PDE10A: variants seen among roughly 807,000 people sequenced by gnomAD.
PDE10A encodes the protein phosphodiesterase 10A, also known as cAMP and cAMP-inhibited cGMP 3',5'-cyclic phosphodiesterase 10A.
Under a neutral mutation model 97.7 loss-of-function variants are expected in PDE10A, and 39 were observed. The ratio of observed to expected loss-of-function variants is 0.40; its 90% CI spans 0.31 to 0.52. PDE10A has a LOEUF of 0.52. Ranked by LOEUF, PDE10A falls within the 20% of genes least tolerant of loss-of-function variation. PDE10A has a pLI of 0.56. For synonymous variants in PDE10A, 371 were observed against 376.8 expected (o/e 0.98, Z 0.18); for missense variants, 731 against 1,047.8 (o/e 0.70, Z 4.17).
intron 1 of PDE10A, among the ~76,000 whole-genome samples, chr6:165,802,258 C>T (rs566163848): frequency 1.3e-5 from 2 of 152,312 alleles, no homozygotes; most frequent in East Asian, 3.9e-4. Flanking sequence ...TCCCACATGA[C>T]TTCTGCTCTA....
chr6:165,751,106 C>A (rs1391779441), intron 1 of PDE10A, among the ~76,000 whole-genome samples: 1 of 152,140 alleles, frequency 6.6e-6, no homozygotes, highest in Non-Finnish European at 1.5e-5. Context: ...TCAGTGGGTG[C>A]CGTCTTCACC....
intron 1 of PDE10A, among the ~76,000 whole-genome samples, chr6:165,840,335 T>C (rs67213228): frequency 0.065 from 9,860 of 152,258 alleles, 466 homozygotes; most frequent in African/African-American, 0.13. Context: ...AACTACCTCT[T>C]AGCAACAAGA....
At chr6:165,674,548 G>A (rs1314281827) in intron 1 of PDE10A, among the ~76,000 whole-genome samples, 1 of 152,138 alleles carries the variant, frequency 6.6e-6, no homozygotes, top group African/African-American at 2.4e-5. Context: ...GCCCGCCAAC[G>A]ACTGGCTCCT....
At chr6:165,447,166 G>A (rs193127259) in intron 5 of PDE10A, among the ~76,000 whole-genome samples, 10 of 152,006 alleles carry the variant, frequency 6.6e-5, no homozygotes, top group African/African-American at 1.2e-4. Context: ...ATCCAAGCCC[G>A]CAAAGTCAGC....
intron 1 of PDE10A, among the ~76,000 whole-genome samples, chr6:165,811,079 C>G (rs548556767): frequency 6.6e-6 from 1 of 152,090 alleles, no homozygotes; most frequent in African/African-American, 2.4e-5. Context: ...CAAAAATTAG[C>G]TGGGCGTGGT....
chr6:165,443,065 C>G (rs530666250), intron 5 of PDE10A, among the ~76,000 whole-genome samples: 1 of 147,056 alleles, frequency 6.8e-6, no homozygotes, highest in South Asian at 2.2e-4. Context: ...TGAGCCGAGA[C>G]CATACCACTG....
intron 3 of PDE10A, among the ~76,000 whole-genome samples, chr6:165,450,682 A>C (rs1490077031): frequency 6.6e-6 from 1 of 151,934 alleles, no homozygotes; most frequent in Non-Finnish European, 1.5e-5. Flanking sequence ...CAGCCTCCCA[A>C]GCAGCTGAGA....
intron 2 of PDE10A, among the ~76,000 whole-genome samples, chr6:165,528,238 T>A (rs572853276): frequency 0.016 from 2,187 of 137,374 alleles, 57 homozygotes; most frequent in South Asian, 0.1. Context: ...GCCACGTGAG[T>A]GCTCACCAAT....
chr6:165,542,292 T>G (rs16897966), intron 2 of PDE10A, among the ~76,000 whole-genome samples: 12,192 of 152,214 alleles, frequency 0.08, 672 homozygotes, highest in African/African-American at 0.15. Flanking sequence ...AAATAAAAAT[T>G]ATGCAATATT....
chr6:165,372,878 G>A (rs949248098), intron 18 of PDE10A, among the ~76,000 whole-genome samples: 1 of 151,930 alleles, frequency 6.6e-6, no homozygotes, highest in Admixed American at 6.6e-5. Flanking sequence ...TACCAAAACA[G>A]AGAAACAGAT....
intron 1 of PDE10A, among the ~76,000 whole-genome samples, chr6:165,922,327 T>C (rs76458034): frequency 0.046 from 6,978 of 152,072 alleles, 231 homozygotes; most frequent in Middle Eastern, 0.075. Flanking sequence ...GTCTAATGAG[T>C]GGGCAGGGTC....
intron 10 of PDE10A, among the ~76,000 whole-genome samples, chr6:165,423,650 G>A (rs1292916988): frequency 1.3e-5 from 2 of 152,048 alleles, no homozygotes; most frequent in African/African-American, 2.4e-5. Flanking sequence ...GGTGGATCAC[G>A]AGGTCAAGAG....
Position 165,623,880 on chromosome 6 carries a change from G to A in PDE10A, c.865+38067C>T, listed in dbSNP as rs191943117. ...CCTGTCTGTTCCAATAACTCTGAAA[G>A]TCCTCCTTTCTAGCCTGGCTTCCTC... On this transcript the variant is annotated intron_variant, in intron 1 of 21. Transcript: ENST00000539869. Among the ~76,000 whole-genome samples, 53 of 152,250 alleles carry A rather than the reference G, an allele frequency of 3.5e-4. No homozygotes were observed. The East Asian group carries it at 9.3e-3, about 27-fold the overall frequency.
chr6:165,633,840 T>C (rs1160614191), intron 1 of PDE10A, among the ~76,000 whole-genome samples: 3 of 152,084 alleles, frequency 2.0e-5, no homozygotes, highest in African/African-American at 4.8e-5. Flanking sequence ...TTCACCATGT[T>C]GGCCAGGCTG....
chr6:165,422,390 C>G lies in PDE10A; in HGVS notation c.1654-3613G>C, dbSNP rs530929913. ...ATATACACACACAGGCATACACACACGCATACACACATACGCATACACACA... is the reference window on the plus strand; with the variant it reads ...ATATACACACACAGGCATACACACAGGCATACACACATACGCATACACACA... On this transcript the variant is annotated intron_variant, in intron 10 of 21. Coordinates refer to ENST00000539869, the MANE Select transcript of PDE10A (RefSeq NM_001385079.1). 9.1e-5 allele frequency among the ~76,000 whole-genome samples: 13 copies of G among 142,826 alleles called. 1 individual carries two copies. The highest frequency in any genetic ancestry group is 6.4e-4 in the South Asian group (3 of 4,716). The allele number at this position is 142,826 out of a possible 152,430, so 93.7% of individuals were successfully genotyped here.
intron 1 of PDE10A, among the ~76,000 whole-genome samples, chr6:165,619,443 TATA>T (rs1787970187): frequency 5.2e-5 from 2 of 38,314 alleles, no homozygotes; most frequent in Admixed American, 2.2e-4. Context: ...TGTAGTGTAG[TATA>T]GTCTAGTGTA....
rs564007235 is a variant in PDE10A, at chr6:165,804,463, G to A, written c.-615+183066C>T. On this transcript the variant is annotated intron_variant, in intron 1 of 19. Transcript: ENST00000366882. ...TGGCTGAGAAAACAAGAATGTTCAC[G>A]TCCTTGTATTGTGCGGTGGGGAGAG... Among the ~76,000 whole-genome samples the A allele has an allele frequency of 1.4e-3, 215 of 152,276 alleles. 1 individual carries two copies. Among genetic ancestry groups the A allele is most frequent in the African/African-American group, 4.9e-3 (205 of 41,564 alleles).
At chr6:165,453,905 A>G (rs1777784812) in intron 3 of PDE10A, among the ~76,000 whole-genome samples, 1 of 152,194 alleles carries the variant, frequency 6.6e-6, no homozygotes, top group Non-Finnish European at 1.5e-5. Context: ...GGAGAAGCTC[A>G]GGCATGAGAC....
intron 18 of PDE10A, among the ~76,000 whole-genome samples, chr6:165,376,485 G>A (rs1029433456): frequency 1.3e-5 from 2 of 152,212 alleles, no homozygotes; most frequent in Non-Finnish European, 2.9e-5. Flanking sequence ...GGTCTGAGAG[G>A]ACTGACTCTA....
Sources: gnomAD v4.1 joint callset for allele counts (sites outside exome capture counted in the v4.1 genomes callset) on GRCh38, gnomAD v4.1.1 for gene constraint, MANE v1.5 for transcripts, NCBI Gene and HGNC (gene_info 2026-07-23, HGNC 2026-07-21) for gene names.